The following OPRL1 variants were observed in gnomAD, a reference collection of about 807,000 sequenced individuals.
The protein encoded by OPRL1 is nociceptin receptor.
OPRL1 carries 5 observed loss-of-function variants against 15.5 expected under a neutral mutation model. The ratio of observed to expected loss-of-function variants is 0.32; its 90% confidence interval spans 0.17 to 0.68. The LOEUF is 0.68. OPRL1 is among the 30% of genes least tolerant of loss of function. The pLI, the probability that OPRL1 is intolerant of heterozygous loss-of-function variation, is 0.72. For synonymous variants in OPRL1, 223 were observed against 230.2 expected (o/e 0.97, Z 0.28); for missense variants, 406 against 515.3 (o/e 0.79, Z 2.05).
At chr20:64,096,178 A>G (rs1979090772) in intron 3 of OPRL1, among the ~76,000 whole-genome samples, 1 of 152,102 alleles carries the variant, frequency 6.6e-6, no homozygotes, top group African/African-American at 2.4e-5. Context: ...CTCTGCATTG[A>G]GGCATTTAAT....
In OPRL1 at chr20:64,096,531, C is replaced by T. The variant is rs1979127419; in HGVS notation, c.234-1271C>T. ...GCTTGGCACAGGTATTTGCCATGAT[C>T]ATTGTCATTGTTGTTGTCTCTTCGT... On this transcript the variant is annotated intron_variant, in intron 3 of 4. Coordinates refer to ENST00000336866, the MANE Select transcript of OPRL1 (RefSeq NM_182647.4). Among the ~76,000 whole-genome samples, 3 of 152,134 alleles carry T rather than the reference C, an allele frequency of 2.0e-5. No individual in the cohort carries two copies. In the South Asian group the frequency reaches 6.2e-4, roughly 31 times the overall value.
intron 1 of OPRL1, chr20:64,084,234 G>A (rs1189997777): frequency 7.3e-7 from 1 of 1,369,292 alleles, no homozygotes. Flanking sequence ...CCGCCCTGCG[G>A]AGGGAGGAGG....
At chr20:64,092,450 A>G (rs2060129225) in intron 2 of OPRL1, among the ~76,000 whole-genome samples, 1 of 151,974 alleles carries the variant, frequency 6.6e-6, no homozygotes, top group Non-Finnish European at 1.5e-5. Context: ...TTGCGGGTGC[A>G]TGTGTGTCTT....
chr20:64,086,952 C>T (rs2060059333), intron 1 of OPRL1, among the ~76,000 whole-genome samples: 1 of 152,172 alleles, frequency 6.6e-6, no homozygotes, highest in Admixed American at 6.5e-5. Flanking sequence ...CAGCTGCCGT[C>T]TGGCGTTTGC....
In OPRL1 at chr20:64,089,261, G is replaced by A. The variant is rs1185121256; in HGVS notation, c.-184-2705G>A. 6.6e-6 allele frequency among the ~76,000 whole-genome samples: 1 copy of A among 152,098 alleles called. No homozygotes were observed. Among genetic ancestry groups the A allele is most frequent in the Non-Finnish European group, 1.5e-5 (1 of 67,998 alleles). On this transcript the variant is annotated intron_variant, in intron 1 of 4. Coordinates refer to ENST00000336866, the MANE Select transcript of OPRL1 (RefSeq NM_182647.4). This position sits in a 1 kb window ranked among gnomAD's most constrained non-coding sequence, Gnocchi z 5.5. ...TTATGAGATTGTGAACACCTGGACT[G>A]GGGAGGCCACGGCCTTCTGCTGGAC...
rs374175537 is a variant in OPRL1, at chr20:64,082,118, G to T, written c.-185+1766G>T. 5.0e-4 allele frequency among the ~76,000 whole-genome samples: 76 copies of T among 152,288 alleles called. 1 individual carries two copies. The highest frequency in any genetic ancestry group is 1.8e-3 in the African/African-American group (76 of 41,536). On this transcript the variant is annotated intron_variant, in intron 1 of 4. Transcript: ENST00000336866. ...TGGGGTCCAGGCTGCAGGGAGTTTGGCCAGACGACACCAGGGCTGGCTGTC... is the reference window on the plus strand; with the variant it reads ...TGGGGTCCAGGCTGCAGGGAGTTTGTCCAGACGACACCAGGGCTGGCTGTC...
chr20:64,097,929 G>A lies in OPRL1; in HGVS notation c.361G>A (p.Ala121Thr), dbSNP rs1280852292. The A allele has an allele frequency of 1.2e-6, 2 of 1,613,704 alleles. No homozygotes were observed. Among genetic ancestry groups the A allele is most frequent in the South Asian group, 2.2e-5 (2 of 91,090 alleles). ...ILLGFWPFGNALCKTVIAIDY... is the reference protein window; with the variant it reads ...ILLGFWPFGNTLCKTVIAIDY... The stretch of plus-strand genomic sequence containing the variant: ...CCTGGGCTTCTGGCCGTTTGGGAAT[G>A]CGCTGTGCAAGACAGTCATTGCCAT... Residue 121 changes from alanine to threonine, a missense_variant, in exon 4 of 5, where the codon GCG (alanine) becomes ACG (threonine). Transcript: ENST00000336866. This position sits in a 1 kb window ranked among gnomAD's most constrained non-coding sequence, Gnocchi z 4.2.
chr20:64,089,348 C>T lies in OPRL1; in HGVS notation c.-184-2618C>T, dbSNP rs1387428897. Among the ~76,000 whole-genome samples, 1 of 152,098 alleles carries T rather than the reference C, an allele frequency of 6.6e-6. No individual in the cohort carries two copies. The highest frequency in any genetic ancestry group is 2.4e-5 in the African/African-American group (1 of 41,402). ...TTGACTCCTGAAAGGCCAGGCAAGG[C>T]AGAGCTGGGAGCTGCCTTGGTGGGG... On this transcript the variant is annotated intron_variant, in intron 1 of 4. Coordinates refer to ENST00000336866, the MANE Select transcript of OPRL1 (RefSeq NM_182647.4). The surrounding 1 kb of genome is among the most constrained non-coding windows in gnomAD (Gnocchi z 5.5).
chr20:64,084,080 G>C (rs1317317332), intron 1 of OPRL1: 1 of 1,492,630 alleles, frequency 6.7e-7, no homozygotes, highest in African/African-American at 1.5e-5. Flanking sequence ...TCCCTGCGGC[G>C]TCAGGGCCCA....
chr20:64,098,691 T>G lies in OPRL1; in HGVS notation c.1005T>G (p.Cys335Trp), dbSNP rs1476127045. The G allele has an allele frequency of 6.2e-7, 1 of 1,612,840 alleles. No individual in the cohort carries two copies. The highest frequency in any genetic ancestry group is 2.2e-5 in the East Asian group (1 of 44,880). ...NFKACFRKFC[C>W]ASALRRDVQV... is the part of the protein sequence containing the mutation. ...AGGCCTGCTTCCGCAAGTTCTGCTG[T>G]GCATCTGCCCTGCGCCGGGACGTGC... Residue 335 changes from cysteine to tryptophan, a missense_variant, in exon 5 of 5, where the codon TGT (cysteine) becomes TGG (tryptophan). Cys to Trp is a radical substitution (Grantham distance 215, BLOSUM62 -2). Transcript: ENST00000336866.
intron 1 of OPRL1, chr20:64,086,482 C>G (rs1569270863): frequency 5.1e-6 from 1 of 196,246 alleles, no homozygotes; most frequent in Non-Finnish European, 1.2e-5. Flanking sequence ...AGGCCGACAC[C>G]TCCCATCTGT....
Position 64,090,135 on chromosome 20 carries a change from C to G in OPRL1, c.-184-1831C>G, listed in dbSNP as rs1468430689. The stretch of plus-strand genomic sequence containing the variant: ...CTGCGTGCACGTTGGCGTCATCTTG[C>G]ATGTGTGTGGCCCGTGTGTTTGTGC... On this transcript the variant is annotated intron_variant, in intron 1 of 4. Coordinates refer to ENST00000336866, the MANE Select transcript of OPRL1 (RefSeq NM_182647.4). This position sits in a 1 kb window ranked among gnomAD's most constrained non-coding sequence, Gnocchi z 4.9. Among the ~76,000 whole-genome samples, 1 of 152,228 alleles carries G rather than the reference C, an allele frequency of 6.6e-6. No homozygotes were observed. Among genetic ancestry groups the G allele is most frequent in the African/African-American group, 2.4e-5 (1 of 41,458 alleles).
At chr20:64,096,761 C>G (rs1979162474) in intron 3 of OPRL1, among the ~76,000 whole-genome samples, 1 of 151,730 alleles carries the variant, frequency 6.6e-6, no homozygotes, top group South Asian at 2.1e-4. Flanking sequence ...ATCACCACCA[C>G]CAGCACCTTC....
Position 64,098,373 on chromosome 20 carries a change from C to G in OPRL1, c.687C>G (p.Leu229=). 1 of 1,613,874 alleles carries G rather than the reference C, an allele frequency of 6.2e-7. No individual in the cohort carries two copies. Among genetic ancestry groups the G allele is most frequent in the Admixed American group, 1.7e-5 (1 of 60,022 alleles). The part of the protein sequence containing the change: ...IFLFSFIVPV[L]VISVCYSLMI... ...TCTTCTCCTTCATCGTCCCCGTGCT[C>G]GTCATCTCTGTCTGCTACAGCCTCA... is the stretch of plus-strand genomic sequence containing the variant. Residue 229 remains leucine, a synonymous_variant, in exon 5 of 5, where the codon CTC becomes CTG. Coordinates refer to ENST00000336866, the MANE Select transcript of OPRL1 (RefSeq NM_182647.4).
In OPRL1 at chr20:64,090,296, A is replaced by T. The variant is rs564809449; in HGVS notation, c.-184-1670A>T. Among the ~76,000 whole-genome samples the T allele has an allele frequency of 2.3e-3, 354 of 152,120 alleles. 1 individual carries two copies. The highest frequency in any genetic ancestry group is 8.2e-3 in the African/African-American group (340 of 41,494). ...ATGTGTCCCTTGAGTGTCTCTGTTG[A>T]CGTGCCCCGTGCCTTCACACGTGTC... is the stretch of plus-strand genomic sequence containing the variant. On this transcript the variant is annotated intron_variant, in intron 1 of 4. Transcript: ENST00000336866. This position sits in a 1 kb window ranked among gnomAD's most constrained non-coding sequence, Gnocchi z 4.9.
chr20:64,080,741 G>A (rs1388182125), intron 1 of OPRL1, among the ~76,000 whole-genome samples: 1 of 152,140 alleles, frequency 6.6e-6, no homozygotes, highest in Non-Finnish European at 1.5e-5. Context: ...TGTCTGCAGA[G>A]CATCTGTGCC....
At chr20:64,088,851 G>A (rs1352022828) in intron 1 of OPRL1, among the ~76,000 whole-genome samples, 2 of 136,446 alleles carry the variant, frequency 1.5e-5, no homozygotes, top group Admixed American at 7.1e-5. Context: ...GATCTGTGCA[G>A]GGAGGGCAGG....
At position 64,083,507 on chromosome 20, in the gene OPRL1, G is replaced by T; in HGVS notation, c.-185+3155G>T. Reference sequence around the variant, plus strand: ...CCACGCGCCTCCGCTGCCGGGGAGAGAGGCTGGGGTCCGGCGTGTGCGGAG... The same window carrying T: ...CCACGCGCCTCCGCTGCCGGGGAGATAGGCTGGGGTCCGGCGTGTGCGGAG... On this transcript the variant is annotated intron_variant, in intron 1 of 4. Coordinates refer to ENST00000336866, the MANE Select transcript of OPRL1 (RefSeq NM_182647.4). The surrounding 1 kb of genome is among the most constrained non-coding windows in gnomAD (Gnocchi z 4.9). 1 of 1,584,042 alleles carries T rather than the reference G, an allele frequency of 6.3e-7. No individual in the cohort carries two copies. Among genetic ancestry groups the T allele is most frequent in the South Asian group, 1.1e-5 (1 of 88,338 alleles).
rs1338011310 is a variant in OPRL1 at position 64,084,215 on chromosome 20, G to C, written c.-185+3863G>C. 6 of 1,413,748 alleles carry C rather than the reference G, an allele frequency of 4.2e-6. No individual in the cohort carries two copies. The East Asian group carries it at 1.2e-4, about 29-fold the overall frequency. 87.6% of individuals were successfully genotyped at this position (1,413,748 alleles called of 1,614,324 possible). A position where few individuals can be genotyped will look rare whatever the true frequency, so the allele number is the denominator to read the frequency against. ...GCGCCCGCCCTCCTTCGCTGGCGGC[G>C]GCATCCTCCCGCCCTGCGGAGGGAG... On this transcript the variant is annotated intron_variant, in intron 1 of 4. Coordinates refer to ENST00000336866, the MANE Select transcript of OPRL1 (RefSeq NM_182647.4).
Sources: allele counts gnomAD v4.1 joint callset (sites outside exome capture counted in the v4.1 genomes callset), GRCh38; gene constraint gnomAD v4.1.1; non-coding constraint Gnocchi (gnomAD v3.1); transcripts MANE v1.5; gene names NCBI Gene and HGNC (gene_info 2026-07-23, HGNC 2026-07-21).